The following PVT1 variants were observed in gnomAD, a reference collection of about 807,000 sequenced individuals.
PVT1 encodes CXCR4/PVT1 fusion.
intron 4 of PVT1, among the ~76,000 whole-genome samples, chr8:127,991,235 C>G (rs77094659): frequency 1.3e-5 from 2 of 150,566 alleles, no homozygotes; most frequent in Non-Finnish European, 3.0e-5. Context: ...CTCCACCTCC[C>G]GGGTTCACGC....
intron 4 of PVT1, among the ~76,000 whole-genome samples, chr8:128,014,857 A>C (rs1268938558): frequency 1.3e-5 from 2 of 152,134 alleles, no homozygotes; most frequent in East Asian, 3.9e-4. Context: ...TGTGCCCTGA[A>C]CTTTCTTCAT....
intron 3 of PVT1, among the ~76,000 whole-genome samples, chr8:127,933,835 G>A (rs890421399): frequency 6.6e-6 from 1 of 152,212 alleles, no homozygotes; most frequent in Non-Finnish European, 1.5e-5. Context: ...AGCAACCTTA[G>A]GAAAGTTTGA....
chr8:127,905,619 T>C (rs1815810563), intron 3 of PVT1, among the ~76,000 whole-genome samples: 1 of 152,188 alleles, frequency 6.6e-6, no homozygotes, highest in Non-Finnish European at 1.5e-5. Context: ...TAGTAAAAAA[T>C]TGAGGACCTG....
intron 4 of PVT1, among the ~76,000 whole-genome samples, chr8:128,064,936 C>T (rs1048594643): frequency 9.9e-5 from 15 of 152,126 alleles, no homozygotes; most frequent in East Asian, 1.9e-4. Flanking sequence ...CCCCATGGAC[C>T]CTGCTCTGAG....
At chr8:127,866,107 C>T (rs1815284404) in intron 2 of PVT1, among the ~76,000 whole-genome samples, 1 of 152,180 alleles carries the variant, frequency 6.6e-6, no homozygotes, top group Non-Finnish European at 1.5e-5. Flanking sequence ...CCCTTCCTCT[C>T]CTGCCCTGCT....
chr8:127,928,209 A>G (rs1489047997), intron 3 of PVT1, among the ~76,000 whole-genome samples: 1 of 152,142 alleles, frequency 6.6e-6, no homozygotes, highest in Non-Finnish European at 1.5e-5. Context: ...CTCATCTTCT[A>G]CCACCCTCCA....
At chr8:127,906,756 T>G (rs1397072217) in intron 3 of PVT1, among the ~76,000 whole-genome samples, 1 of 152,196 alleles carries the variant, frequency 6.6e-6, no homozygotes. Context: ...CAGGCGTTAA[T>G]GTCACCATTC....
chr8:127,845,642 T>A (rs1420621503), intron 2 of PVT1, among the ~76,000 whole-genome samples: 1 of 152,208 alleles, frequency 6.6e-6, no homozygotes, highest in East Asian at 1.9e-4. Context: ...CGGATGGGAT[T>A]ATGCAAGTGA....
At chr8:128,065,202 T>C (rs1247688727) in intron 4 of PVT1, among the ~76,000 whole-genome samples, 1 of 145,116 alleles carries the variant, frequency 6.9e-6, no homozygotes, top group East Asian at 2.0e-4. Context: ...TATTTTTTAT[T>C]TTTTTTTGAG....
intron 3 of PVT1, among the ~76,000 whole-genome samples, chr8:127,900,026 T>G (rs2129822568): frequency 6.6e-6 from 1 of 152,216 alleles, no homozygotes; most frequent in East Asian, 1.9e-4. Flanking sequence ...TTTTATTTTA[T>G]TTTGTTTATT....
chr8:128,000,709 TAAC>T (rs1333980543), intron 4 of PVT1, among the ~76,000 whole-genome samples: 2 of 152,232 alleles, frequency 1.3e-5, no homozygotes, highest in Non-Finnish European at 2.9e-5. Flanking sequence ...CTTTGTCCCA[TAAC>T]AATAGTTGAT....
intron 4 of PVT1, among the ~76,000 whole-genome samples, chr8:127,994,226 C>T (rs1337280994): frequency 1.3e-5 from 2 of 152,216 alleles, no homozygotes; most frequent in Non-Finnish European, 2.9e-5. Flanking sequence ...ATCTTTCTCT[C>T]TACAGTGCCT....
At chr8:127,965,677 C>T (rs541626450) in intron 3 of PVT1, among the ~76,000 whole-genome samples, 8 of 152,160 alleles carry the variant, frequency 5.3e-5, no homozygotes, top group Non-Finnish European at 1.2e-4. Context: ...TTAGAGAAGG[C>T]GGCTCCCTGC....
Position 128,057,476 on chromosome 8 carries a change from A to C in PVT1, n.913-12684A>C, listed in dbSNP as rs573481643. 7.2e-5 allele frequency among the ~76,000 whole-genome samples: 11 copies of C among 152,274 alleles called. No individual in the cohort carries two copies. In the East Asian group the frequency reaches 1.7e-3, roughly 24 times the overall value. On this transcript the variant is annotated intron_variant and non_coding_transcript_variant, in intron 4 of 10. Transcript: ENST00000651587. ...TTCTCTTTAATATATGTGAACAAAA[A>C]CCTGCAGGGATATTTTATCCAATTT... is the stretch of plus-strand genomic sequence containing the variant.
chr8:128,058,112 C>G (rs1289856258), intron 4 of PVT1, among the ~76,000 whole-genome samples: 4 of 152,192 alleles, frequency 2.6e-5, no homozygotes, highest in East Asian at 1.9e-4. Flanking sequence ...AGCTTTCCTA[C>G]TCAACATGGA....
At chr8:127,949,748 G>A (rs1241964407) in intron 3 of PVT1, among the ~76,000 whole-genome samples, 1 of 152,156 alleles carries the variant, frequency 6.6e-6, no homozygotes, top group Non-Finnish European at 1.5e-5. Flanking sequence ...CCTCTTTTAC[G>A]AAGCGGCTGT....
At chr8:127,990,672 C>T (rs1237991652) in intron 4 of PVT1, among the ~76,000 whole-genome samples, 1 of 152,238 alleles carries the variant, frequency 6.6e-6, no homozygotes, top group Non-Finnish European at 1.5e-5. Flanking sequence ...TGTTGTGCTA[C>T]ATATGTCATC....
intron 4 of PVT1, among the ~76,000 whole-genome samples, chr8:128,020,635 C>T (rs185350634): frequency 1.2e-3 from 187 of 152,280 alleles, no homozygotes; most frequent in South Asian, 1.2e-3. Flanking sequence ...GAGCCCAGTC[C>T]GCTGTCACCT....
chr8:127,897,629 A>T (rs908812564), intron 3 of PVT1, among the ~76,000 whole-genome samples: 11 of 150,154 alleles, frequency 7.3e-5, no homozygotes, highest in African/African-American at 2.7e-4. Flanking sequence ...GAAAGAAAGA[A>T]AGACAGACAA....
Sources: allele counts gnomAD v4.1 joint callset (sites outside exome capture counted in the v4.1 genomes callset), GRCh38; gene constraint gnomAD v4.1.1; transcripts MANE v1.5; gene names NCBI Gene and HGNC (gene_info 2026-07-23, HGNC 2026-07-21).